SUSD5: variants seen among roughly 807,000 people sequenced by gnomAD.
SUSD5 encodes the protein sushi domain-containing protein 5.
Under a neutral mutation model 29.5 loss-of-function variants are expected in SUSD5, and 33 were observed. The ratio of observed to expected loss-of-function variants is 1.12; its 90% CI spans 0.85 to 1.49. The LOEUF (loss-of-function observed/expected upper bound fraction) is 1.49, where lower values mean the gene tolerates loss of function less well. SUSD5 is among the 40% of genes most tolerant of loss of function. The pLI, the probability that SUSD5 is intolerant of heterozygous loss-of-function variation, is 0.00. For missense variants in SUSD5, 776 were observed against 800.6 expected, an observed-to-expected ratio of 0.97 and a Z score of 0.37; for synonymous variants, 308 against 325.3, an observed-to-expected ratio of 0.95 and a Z score of 0.57.
chr3:33,213,957 G>T lies in SUSD5; in HGVS notation c.261C>A (p.Thr87=). ...VVQDCSFAVC[T]TGWLADGTLG... is the part of the protein sequence containing the mutation. ...GAGTACCATCTGCTAGCCAGCCAGT[G>T]GTGCACACCGCAAAGGAGCAATCCT... The change falls in exon 2 of 5, where the codon ACC becomes ACA. Residue 87 remains threonine (T), a synonymous_variant. Transcript: ENST00000309558. 6.2e-7 allele frequency: 1 copy of T among 1,609,236 alleles called. No individual in the cohort carries two copies. The highest frequency in any genetic ancestry group is 8.5e-7 in the Non-Finnish European group (1 of 1,177,248).
intron 3 of SUSD5, among the ~76,000 whole-genome samples, chr3:33,176,782 G>A (rs1205928020): frequency 6.6e-6 from 1 of 152,160 alleles, no homozygotes; most frequent in Non-Finnish European, 1.5e-5. Context: ...AAGGGTGTAA[G>A]GTCTGCGTCT....
intron 3 of SUSD5, among the ~76,000 whole-genome samples, chr3:33,198,782 T>C (rs2032044514): frequency 6.6e-6 from 1 of 152,024 alleles, no homozygotes; most frequent in African/African-American, 2.4e-5. Context: ...CCCAGACCCA[T>C]AACACCAGGG....
intron 2 of SUSD5, among the ~76,000 whole-genome samples, chr3:33,209,713 C>G (rs1252489252): frequency 1.3e-5 from 2 of 148,418 alleles, no homozygotes; most frequent in Non-Finnish European, 3.0e-5. Context: ...ACTATGATGT[C>G]TAGACTGTAT....
At chr3:33,197,531 T>C (rs545563777) in intron 3 of SUSD5, among the ~76,000 whole-genome samples, 2 of 151,540 alleles carry the variant, frequency 1.3e-5, no homozygotes, top group South Asian at 2.1e-4. Flanking sequence ...TTGCTAAATG[T>C]ATCCAATTGT....
At chr3:33,175,731 CAG>C (rs894032414) in intron 3 of SUSD5, among the ~76,000 whole-genome samples, 5 of 151,996 alleles carry the variant, frequency 3.3e-5, no homozygotes, top group Non-Finnish European at 5.9e-5. Context: ...GCAGAAAGTA[CAG>C]AGAGTTCCCC....
At position 33,163,531 on chromosome 3, in the gene SUSD5, C is replaced by T. The variant is rs764485138; in HGVS notation, c.599-9498G>A. On this transcript the variant is annotated intron_variant, in intron 4 of 4. Transcript: ENST00000309558. ...AGGAATATGAGGAAACTTCCTTAAC[C>T]TGATTTTTAAAATACACCTTTTTGT... 4.6e-4 allele frequency among the ~76,000 whole-genome samples: 70 copies of T among 152,236 alleles called. 1 individual carries two copies. The highest frequency in any genetic ancestry group is 5.9e-5 in the Non-Finnish European group (4 of 68,012).
chr3:33,158,115 A>G (rs113501808), intron 4 of SUSD5, among the ~76,000 whole-genome samples: 11 of 152,236 alleles, frequency 7.2e-5, no homozygotes, highest in African/African-American at 2.7e-4. Flanking sequence ...AAAGTCTGCA[A>G]CAGCTCAGAT....
At chr3:33,215,164 G>A (rs990561988) in intron 1 of SUSD5, among the ~76,000 whole-genome samples, 11 of 151,596 alleles carry the variant, frequency 7.3e-5, no homozygotes, top group Admixed American at 5.9e-4. Context: ...ACTACAAAAA[G>A]GTAGTATTAA....
intron 3 of SUSD5, among the ~76,000 whole-genome samples, chr3:33,188,953 T>A (rs2031831890): frequency 1.3e-5 from 2 of 152,206 alleles, no homozygotes; most frequent in East Asian, 1.9e-4. Flanking sequence ...GAGGTATAAG[T>A]GGTTGAAAAT....
intron 3 of SUSD5, among the ~76,000 whole-genome samples, chr3:33,196,431 T>A (rs889267116): frequency 6.6e-6 from 1 of 152,264 alleles, no homozygotes; most frequent in African/African-American, 2.4e-5. Flanking sequence ...TCAGTTTAAT[T>A]TGCAGTGGTG....
At chr3:33,164,067 A>AGGAGCTTG (rs1442674854) in intron 4 of SUSD5, among the ~76,000 whole-genome samples, 2 of 151,996 alleles carry the variant, frequency 1.3e-5, no homozygotes, top group Non-Finnish European at 2.9e-5. Context: ...CCAGCTGCTC[A>AGGAGCTTG]GGAGGCTGAG....
At chr3:33,186,137 A>T (rs919282416) in intron 3 of SUSD5, among the ~76,000 whole-genome samples, 3 of 151,942 alleles carry the variant, frequency 2.0e-5, no homozygotes, top group African/African-American at 7.2e-5. Context: ...CCCTGTCTCT[A>T]CTAAAATACA....
chr3:33,155,028 T>C (rs1454082931), intron 4 of SUSD5, among the ~76,000 whole-genome samples: 2 of 152,242 alleles, frequency 1.3e-5, no homozygotes, highest in Non-Finnish European at 2.9e-5. Context: ...CAAGATTTAC[T>C]ATAAAACTGC....
At chr3:33,163,017 T>C (rs912478065) in intron 4 of SUSD5, among the ~76,000 whole-genome samples, 7 of 148,802 alleles carry the variant, frequency 4.7e-5, no homozygotes, top group Non-Finnish European at 8.9e-5. Flanking sequence ...CAAGAGGAAA[T>C]AGAAAAATTT....
At chr3:33,161,528 G>A (rs991152988) in intron 4 of SUSD5, among the ~76,000 whole-genome samples, 5 of 152,128 alleles carry the variant, frequency 3.3e-5, no homozygotes, top group Admixed American at 1.3e-4. Context: ...CAAATCTACC[G>A]ATGGTTAAAT....
In SUSD5 at chr3:33,151,906, C is replaced by T. The variant is rs9861708; in HGVS notation, c.*836G>A. On this transcript the variant is annotated 3_prime_UTR_variant, in exon 5 of 5. Transcript: ENST00000309558. ...AGTCTTAAATTCTAATTTCAAGAAA[C>T]AATGAAAAAAGAAACCTCAAAGCTT... is the stretch of plus-strand genomic sequence containing the variant. 2.0e-5 allele frequency: 3 copies of T among 152,156 alleles called. No individual in the cohort carries two copies. The highest frequency in any genetic ancestry group is 7.2e-5 in the African/African-American group (3 of 41,448). 9.4% of individuals were successfully genotyped at this position (152,156 alleles called of 1,614,324 possible). A position where few individuals can be genotyped will look rare whatever the true frequency, so the allele number is the denominator to read the frequency against.
intron 2 of SUSD5, among the ~76,000 whole-genome samples, chr3:33,210,410 C>A (rs1002590479): frequency 6.6e-6 from 1 of 152,224 alleles, no homozygotes; most frequent in Non-Finnish European, 1.5e-5. Context: ...AAATCTCCAA[C>A]CTCCTAGTCC....
Position 33,213,913 on chromosome 3 carries a change from G to A in SUSD5, c.290+15C>T. On this transcript the variant is annotated intron_variant, in intron 2 of 4. Transcript: ENST00000309558. ...AACTGGGGTGAGTTGGAAAAGGAGT[G>A]CTCGCCTAACTTACCCAAGAGTACC... is the stretch of plus-strand genomic sequence containing the variant. 6.3e-7 allele frequency: 1 copy of A among 1,575,722 alleles called. No individual in the cohort carries two copies. The highest frequency in any genetic ancestry group is 1.2e-5 in the South Asian group (1 of 85,286).
intron 3 of SUSD5, among the ~76,000 whole-genome samples, chr3:33,201,494 C>T (rs182009739): frequency 1.0e-3 from 156 of 152,320 alleles, no homozygotes; most frequent in African/African-American, 3.7e-3. Flanking sequence ...CCATTGGCAA[C>T]ATTTCTCTGG....
Sources: allele counts gnomAD v4.1 joint callset (sites outside exome capture counted in the v4.1 genomes callset), GRCh38; gene constraint gnomAD v4.1.1; transcripts MANE v1.5; gene names NCBI Gene and HGNC (gene_info 2026-07-23, HGNC 2026-07-21).